The following MYRF variants were observed in gnomAD, a reference collection of about 807,000 sequenced individuals.
MYRF encodes the protein myelin regulatory factor, also known as myelin gene regulatory factor.
In MYRF, 16 loss-of-function variants were observed where a neutral mutation model predicts 126.3. The observed-to-expected ratio is 0.13, with a 90% CI of 0.09 to 0.19. The LOEUF is 0.19. Among genes scored for constraint, MYRF ranks in the 10% least tolerant of loss-of-function variants. The pLI is 1.00. For missense variants in MYRF, 1,104 were observed against 1,547.0 expected, an observed-to-expected ratio of 0.71 and a Z score of 4.80; for synonymous variants, 608 against 635.3, an observed-to-expected ratio of 0.96 and a Z score of 0.65.
At chr11:61,773,091 C>T (rs1337115365) in intron 7 of MYRF, among the ~76,000 whole-genome samples, 12 of 151,918 alleles carry the variant, frequency 7.9e-5, no homozygotes, top group East Asian at 3.9e-4. Flanking sequence ...CTGCAACCTC[C>T]GCCTCCTGGG....
At chr11:61,785,606 A>C in intron 25 of MYRF, 194 bp from the exon 26 acceptor site, 1 of 597,990 alleles carries the variant, frequency 1.7e-6, no homozygotes, top group Admixed American at 2.8e-5. Flanking sequence ...AGTCCCGGGC[A>C]CGGTCTGCAT....
chr11:61,756,960 A>T, intron 1 of MYRF: 1 of 359,910 alleles, frequency 2.8e-6, no homozygotes, highest in South Asian at 2.0e-5. Flanking sequence ...GTAACAGCCC[A>T]GCAGAGCTGC....
chr11:61,773,380 T>G lies in MYRF; in HGVS notation c.1116-587T>G, dbSNP rs1009137777. ...AACAGATGGGCAAACTGAGGCTGAG[T>G]CTGAGGGAGAGTCCAGGAGTGCCCC... On this transcript the variant is annotated intron_variant, in intron 7 of 26. Transcript: ENST00000278836. Among the ~76,000 whole-genome samples the G allele has an allele frequency of 4.6e-5, 7 of 152,024 alleles. No individual in the cohort carries two copies. In the East Asian group the frequency reaches 1.4e-3, roughly 29 times the overall value.
rs536786050 is a variant in MYRF at position 61,760,454 on chromosome 11, G to A, written c.47-5171G>A. Among the ~76,000 whole-genome samples, 12 of 152,316 alleles carry A rather than the reference G, an allele frequency of 7.9e-5. No individual in the cohort carries two copies. The South Asian group carries it at 1.0e-3, about 13-fold the overall frequency. On this transcript the variant is annotated intron_variant, in intron 1 of 26. Transcript: ENST00000278836. ...GAAGGCTGACCCACTGGAAGGGATG[G>A]CTGGGGCCGAGGCCCGGAGGCTGGA... is the stretch of plus-strand genomic sequence containing the variant.
At chr11:61,760,054 C>T (rs542224072) in intron 1 of MYRF, among the ~76,000 whole-genome samples, 28 of 151,966 alleles carry the variant, frequency 1.8e-4, no homozygotes, top group Non-Finnish European at 2.9e-4. Context: ...CTGCAACCTC[C>T]GCCTCCCGGT....
At chr11:61,785,595 C>A in intron 25 of MYRF, 1 of 588,048 alleles carries the variant, frequency 1.7e-6, no homozygotes, top group Non-Finnish European at 3.1e-6. Flanking sequence ...GTGGACCTGC[C>A]AGTCCCGGGC....
At chr11:61,761,266 G>GGC (rs1555053575) in intron 1 of MYRF, among the ~76,000 whole-genome samples, 1 of 151,414 alleles carries the variant, frequency 6.6e-6, no homozygotes, top group Non-Finnish European at 1.5e-5. Flanking sequence ...TGGTGGGGGG[G>GGC]GGGGCACATA....
In MYRF at chr11:61,769,269, G is replaced by T; in HGVS notation, c.408G>T (p.Pro136=). 1.2e-6 allele frequency: 2 copies of T among 1,604,782 alleles called. No individual in the cohort carries two copies. Among genetic ancestry groups the T allele is most frequent in the South Asian group, 1.1e-5 (1 of 88,880 alleles). ...PKAPYAPGTL[P]DSPPDSGSEA... ...CCCCTGGCTCTCGCAGCACACTGCC[G>T]GACTCTCCCCCAGACTCGGGCTCCG... The change falls in exon 4 of 27, where the codon CCG becomes CCT. Residue 136 remains proline, a synonymous_variant. Transcript: ENST00000278836.
chr11:61,782,037 G>T, intron 22 of MYRF: 1 of 529,358 alleles, frequency 1.9e-6, no homozygotes, highest in Non-Finnish European at 3.1e-6. Context: ...AGGAATTGTT[G>T]TTCCTATTGT....
In MYRF at chr11:61,771,691, C is replaced by A; in HGVS notation, c.932C>A (p.Pro311His). ...GPLSPGPGSL[P>H]LSIARVQTPP... Reference sequence around the variant, plus strand: ...CTCTCCCCGGGCCCTGGTTCCTTGCCTCTCAGCATTGCCCGTGTCCAGACA... The same window carrying A: ...CTCTCCCCGGGCCCTGGTTCCTTGCATCTCAGCATTGCCCGTGTCCAGACA... Residue 311 changes from proline to histidine, a missense_variant, in exon 6 of 27, where the codon CCT (proline) becomes CAT (histidine). Pro to His is a moderately conservative substitution (Grantham distance 77). Coordinates refer to ENST00000278836, the MANE Select transcript of MYRF (RefSeq NM_001127392.3). The A allele has an allele frequency of 1.2e-6, 2 of 1,613,860 alleles. No individual in the cohort carries two copies. The highest frequency in any genetic ancestry group is 1.7e-6 in the Non-Finnish European group (2 of 1,179,982).
chr11:61,766,105 C>G lies in MYRF; in HGVS notation c.282C>G (p.Gly94=). 6.2e-7 allele frequency: 1 copy of G among 1,608,090 alleles called. No individual in the cohort carries two copies. Among genetic ancestry groups the G allele is most frequent in the South Asian group, 1.1e-5 (1 of 91,068 alleles). ...GCCATGGTCCCCTCCCACCCCCGGGCTACGGCACCCCGCTGAACTGCAACA... is the reference window on the plus strand; with the variant it reads ...GCCATGGTCCCCTCCCACCCCCGGGGTACGGCACCCCGCTGAACTGCAACA... ...PGRHGPLPPP[G]YGTPLNCNNN... The change falls in exon 3 of 27, where the codon GGC becomes GGG. Residue 94 remains glycine (G), a synonymous_variant. Transcript: ENST00000278836.
intron 14 of MYRF, 55 bp from the exon 15 acceptor site, chr11:61,779,208 G>A: frequency 6.7e-7 from 1 of 1,503,632 alleles, no homozygotes; most frequent in Non-Finnish European, 8.9e-7. Flanking sequence ...GGGCTCCCGG[G>A]GCTGACTGGG....
chr11:61,776,863 C>T lies in MYRF; in HGVS notation c.1576C>T (p.Arg526Cys). The change falls in exon 11 of 27, where the codon CGC becomes TGC. Residue 526 changes from arginine to cysteine, a missense_variant. Around this residue, in one of 10 missense-constraint regions of MYRF, gnomAD observed 48 missense variants for 148.2 expected, o/e 0.32. Coordinates refer to ENST00000278836, the MANE Select transcript of MYRF (RefSeq NM_001127392.3). The surrounding 1 kb of genome is among the most constrained non-coding windows in gnomAD (Gnocchi z 4.3). ...CACGCTGGCCGCCCAGATCTCAGAGCGCATCATTGTGCGGGTGAGGGCCAC... is the reference window on the plus strand; with the variant it reads ...CACGCTGGCCGCCCAGATCTCAGAGTGCATCATTGTGCGGGTGAGGGCCAC... ...NYTLAAQISE[R>C]IIVRASNPGQ... The T allele has an allele frequency of 6.2e-7, 1 of 1,606,704 alleles. No homozygotes were observed. Among genetic ancestry groups the T allele is most frequent in the Non-Finnish European group, 8.5e-7 (1 of 1,177,112 alleles).
intron 1 of MYRF, among the ~76,000 whole-genome samples, chr11:61,761,087 C>T (rs761908058): frequency 7.2e-5 from 11 of 152,132 alleles, no homozygotes; most frequent in Non-Finnish European, 1.0e-4. Flanking sequence ...ACCCTACCCA[C>T]AGCCACGTGG....
At chr11:61,759,099 C>T (rs749603269) in intron 1 of MYRF, among the ~76,000 whole-genome samples, 6 of 152,218 alleles carry the variant, frequency 3.9e-5, no homozygotes, top group Non-Finnish European at 5.9e-5. Flanking sequence ...TGTGTAGGCA[C>T]AGATGGGCAC....
Position 61,780,978 on chromosome 11 carries a change from G to A in MYRF, c.2505G>A (p.Gly835=). 6.2e-7 allele frequency: 1 copy of A among 1,609,994 alleles called. No homozygotes were observed. The highest frequency in any genetic ancestry group is 8.5e-7 in the Non-Finnish European group (1 of 1,179,990). The part of the protein sequence containing the change: ...ALCPWSSQSF[G]TTQLRQSPLT... ...CCAGCAGGTCCAGCCAGAGCTTTGG[G>A]ACCACGCAGCTCCGACAGTCCCCCT... Residue 835 remains glycine, a synonymous_variant, in exon 20 of 27, where the codon GGG becomes GGA. Transcript: ENST00000278836.
chr11:61,786,261 C>A lies in MYRF; in HGVS notation c.*118C>A. On this transcript the variant is annotated 3_prime_UTR_variant, in exon 27 of 27. Transcript: ENST00000278836. This position sits in a 1 kb window ranked among gnomAD's most constrained non-coding sequence, Gnocchi z 4.5. ...CAGGCCAGCTCTGCTGTTCACTGGC[C>A]CTACCCGAGACTGGTGAAACTGGAA... 2.1e-6 allele frequency: 2 copies of A among 952,698 alleles called. No individual in the cohort carries two copies. The highest frequency in any genetic ancestry group is 3.3e-6 in the Non-Finnish European group (2 of 614,726). 59.0% of individuals were successfully genotyped at this position (952,698 alleles called of 1,614,324 possible). A position where few individuals can be genotyped will look rare whatever the true frequency, so the allele number is the denominator to read the frequency against.
At chr11:61,762,731 C>A (rs1166273675) in intron 1 of MYRF, among the ~76,000 whole-genome samples, 1 of 152,138 alleles carries the variant, frequency 6.6e-6, no homozygotes, top group South Asian at 2.1e-4. Flanking sequence ...GACGACGCGG[C>A]CTCCAGGGCT....
rs2066431468 is a variant in MYRF at position 61,777,871 on chromosome 11, G to C, written c.1903+26G>C. 6.5e-6 allele frequency: 10 copies of C among 1,541,056 alleles called. No individual in the cohort carries two copies. The highest frequency in any genetic ancestry group is 7.9e-6 in the Non-Finnish European group (9 of 1,138,626). On this transcript the variant is annotated intron_variant, in intron 13 of 26. Coordinates refer to ENST00000278836, the MANE Select transcript of MYRF (RefSeq NM_001127392.3). This position sits in a 1 kb window ranked among gnomAD's most constrained non-coding sequence, Gnocchi z 8.8. ...GTAGGGACCGGGCTGGTGCGGACTGGGGTCCGGAAACCCAGAAACCTCGGG... is the reference window on the plus strand; with the variant it reads ...GTAGGGACCGGGCTGGTGCGGACTGCGGTCCGGAAACCCAGAAACCTCGGG...
Sources: gnomAD v4.1 joint callset for allele counts (sites outside exome capture counted in the v4.1 genomes callset) on GRCh38, gnomAD v4.1.1 for gene constraint, gnomAD v4.1.1 regional missense constraint, Gnocchi (gnomAD v3.1) non-coding constraint, MANE v1.5 for transcripts, NCBI Gene and HGNC (gene_info 2026-07-23, HGNC 2026-07-21) for gene names.